SYNE2: variants seen among roughly 807,000 people sequenced by gnomAD.
The protein encoded by SYNE2 is spectrin repeat containing nuclear envelope protein 2, also known as nesprin-2.
A neutral mutation model predicts 856.3 loss-of-function variants in SYNE2; 431 were observed. That is an observed-to-expected ratio of 0.50 (90% CI 0.47 to 0.55). The LOEUF is 0.55. Among genes scored for constraint, SYNE2 ranks in the 20% least tolerant of loss-of-function variants. The pLI, the probability that SYNE2 is intolerant of heterozygous loss-of-function variation, is 0.00. For synonymous variants in SYNE2, 2,923 were observed against 2,872.3 expected, an observed-to-expected ratio of 1.02 and a Z score of -0.56; for missense variants, 8,129 against 8,023.2, an observed-to-expected ratio of 1.01 and a Z score of -0.50.
intron 45 of SYNE2, among the ~76,000 whole-genome samples, chr14:64,044,005 A>G (rs988408475): frequency 1.3e-5 from 2 of 152,214 alleles, no homozygotes; most frequent in Admixed American, 1.3e-4. Flanking sequence ...CTACAGACAC[A>G]TGCCACCACA....
At chr14:63,947,693 C>T (rs1282211894) in intron 6 of SYNE2, among the ~76,000 whole-genome samples, 1 of 152,044 alleles carries the variant, frequency 6.6e-6, no homozygotes, top group Admixed American at 6.5e-5. Context: ...AAAAATTAGC[C>T]GGGCATGGTG....
At chr14:63,871,604 ATT>A (rs35904188) in intron 1 of SYNE2, among the ~76,000 whole-genome samples, 29,358 of 147,364 alleles carry the variant, frequency 0.2, 3,247 homozygotes, top group African/African-American at 0.32. Flanking sequence ...AAGAGATGTC[ATT>A]TTTTTTTTTT....
chr14:63,764,408 G>A (rs1017970372), intron 1 of SYNE2, among the ~76,000 whole-genome samples: 2 of 152,088 alleles, frequency 1.3e-5, no homozygotes, highest in African/African-American at 4.8e-5. Context: ...AATGGCTCAC[G>A]CCTATAATCC....
chr14:64,098,026 C>T lies in SYNE2; in HGVS notation c.12186C>T (p.Ala4062=), dbSNP rs1037442946. The stretch of plus-strand genomic sequence containing the variant: ...AAGACCTGTTGGTGGACTTGAAGGC[C>T]ACCGTACTAAACCTTCACCAGCATT... ...RKEDLLVDLK[A]TVLNLHQHLK... is the part of the protein sequence containing the mutation. The change falls in exon 62 of 116, where the codon GCC becomes GCT. Residue 4062 remains alanine, a synonymous_variant. Coordinates refer to ENST00000555002, the MANE Select transcript of SYNE2 (RefSeq NM_182914.3). 2.5e-6 allele frequency: 4 copies of T among 1,614,176 alleles called. No individual in the cohort carries two copies. Among genetic ancestry groups the T allele is most frequent in the Admixed American group, 3.3e-5 (2 of 60,024 alleles).
At position 64,146,196 on chromosome 14, in the gene SYNE2, A is replaced by C. The variant is rs200252872; in HGVS notation, c.15612A>C (p.Ser5204=). ...KTLQKPESVI[S]VQKLLLDCQD... is the part of the protein sequence containing the mutation. The stretch of plus-strand genomic sequence containing the variant: ...TACAAAAACCTGAAAGTGTGATCTC[A>C]GTGCAGAAGCTGCTCCTGGACTGTC... Residue 5204 remains serine (S), a synonymous_variant, in exon 84 of 116, where the codon TCA becomes TCC. Transcript: ENST00000555002. The C allele has an allele frequency of 9.3e-6, 15 of 1,611,726 alleles. No individual in the cohort carries two copies. In the Admixed American group the frequency reaches 2.0e-4, roughly 22 times the overall value.
At chr14:64,185,782 A>G (rs949958676) in intron 96 of SYNE2, among the ~76,000 whole-genome samples, 7 of 152,132 alleles carry the variant, frequency 4.6e-5, no homozygotes, top group African/African-American at 1.7e-4. Flanking sequence ...TGGGCTTCCA[A>G]AGTGCTGGGA....
chr14:64,168,779 T>C (rs2098396092), intron 92 of SYNE2, 98 bp from the exon 93 acceptor site: 1 of 850,612 alleles, frequency 1.2e-6, no homozygotes, highest in Non-Finnish European at 1.9e-6. Flanking sequence ...TTATCCCTCA[T>C]ATCCTTTGTA....
rs1234934308 is a variant in SYNE2, at chr14:64,080,450, C to T, written c.11164-6C>T. 6.2e-7 allele frequency: 1 copy of T among 1,614,114 alleles called. No homozygotes were observed. The highest frequency in any genetic ancestry group is 1.1e-5 in the South Asian group (1 of 91,080). On this transcript the variant is annotated splice_region_variant and splice_polypyrimidine_tract_variant and intron_variant, in intron 55 of 115. Coordinates refer to ENST00000555002, the MANE Select transcript of SYNE2 (RefSeq NM_182914.3). The stretch of plus-strand genomic sequence containing the variant: ...ATTCAAGTTGACTTACGATTTCCTT[C>T]TCCAGAAAATGTGGGACGAGTTAGA...
At chr14:64,074,949 T>C (rs1290926474) in intron 53 of SYNE2, among the ~76,000 whole-genome samples, 16 of 151,992 alleles carry the variant, frequency 1.1e-4, no homozygotes, top group Admixed American at 2.6e-4. Flanking sequence ...AAAGAAGCAG[T>C]CTTCATGGGG....
At chr14:63,814,881 T>TATATATCTCTCC (rs1555341133) in intron 1 of SYNE2, among the ~76,000 whole-genome samples, 4 of 72,858 alleles carry the variant, frequency 5.5e-5, no homozygotes, top group African/African-American at 8.6e-5. Flanking sequence ...TATATATCCA[T>TATATATCTCTCC]ATATATATCC....
Position 64,202,366 on chromosome 14 carries a change from T to C in SYNE2, c.18039-435T>C. Reference sequence around the variant, plus strand: ...AAGTGAACCAGGCGTGTAACATCTTTAATCTCCCAGGGTAGATCACCGGCT... The same window carrying C: ...AAGTGAACCAGGCGTGTAACATCTTCAATCTCCCAGGGTAGATCACCGGCT... On this transcript the variant is annotated intron_variant, in intron 99 of 115. Coordinates refer to ENST00000555002, the MANE Select transcript of SYNE2 (RefSeq NM_182914.3). The C allele has an allele frequency of 3.6e-5, 25 of 696,168 alleles. No individual in the cohort carries two copies. The South Asian group carries it at 3.8e-4, about 11-fold the overall frequency. The allele number at this position is 696,168 out of a possible 1,614,324, so 43.1% of individuals were successfully genotyped here.
At chr14:64,091,752 C>T (rs370195376) in intron 60 of SYNE2, among the ~76,000 whole-genome samples, 5 of 152,312 alleles carry the variant, frequency 3.3e-5, no homozygotes, top group South Asian at 2.1e-4. Context: ...TCAATAATCA[C>T]TCCCACAAGA....
At chr14:64,197,490 C>A (rs1002389580) in intron 99 of SYNE2, among the ~76,000 whole-genome samples, 8 of 152,166 alleles carry the variant, frequency 5.3e-5, no homozygotes, top group Non-Finnish European at 1.2e-4. Context: ...TGAAAAGATA[C>A]AATTGTACAG....
rs544618675 is a variant in SYNE2 at position 64,000,720 on chromosome 14, G to C, written c.3638+1G>C. 6.2e-7 allele frequency: 1 copy of C among 1,610,350 alleles called. No individual in the cohort carries two copies. Among genetic ancestry groups the C allele is most frequent in the South Asian group, 1.1e-5 (1 of 90,568 alleles). On this transcript the variant is annotated splice_donor_variant, in intron 28 of 115. Coordinates refer to ENST00000555002, the MANE Select transcript of SYNE2 (RefSeq NM_182914.3). LOFTEE classifies it high-confidence loss of function. ...AGCTTCAGATGACTCTTAATACCAG[G>C]TAAAATTCTGAGATCTATTAACTAT...
At chr14:64,098,186 C>T (rs1348992983) in intron 62 of SYNE2, 40 bp downstream of exon 62, 2 of 1,603,198 alleles carry the variant, frequency 1.2e-6, no homozygotes, top group East Asian at 2.2e-5. Flanking sequence ...CCACACTCCA[C>T]AAGAGCATTA....
chr14:64,032,070 T>C (rs2097042189), intron 45 of SYNE2, among the ~76,000 whole-genome samples: 1 of 152,168 alleles, frequency 6.6e-6, no homozygotes, highest in Non-Finnish European at 1.5e-5. Context: ...CATTCAGGTA[T>C]GAGTTCCCAT....
At chr14:64,009,402 G>A (rs2096825706) in intron 31 of SYNE2, among the ~76,000 whole-genome samples, 1 of 151,984 alleles carries the variant, frequency 6.6e-6, no homozygotes, top group Admixed American at 6.6e-5. Context: ...CAGGCATGGT[G>A]GCACTTGCCT....
rs763887694 is a variant in SYNE2 at position 64,062,766 on chromosome 14, C to T, written c.10083C>T (p.Tyr3361=). ...ETEAERYLEN[Y]KCYRKMEEDI... ...GACTCACTAGGTATCTTGAGAATTA[C>T]AAATGCTATAGAAAAATGGAAGAGG... The change falls in exon 50 of 116, where the codon TAC becomes TAT. Residue 3361 remains tyrosine (Y), a synonymous_variant. Coordinates refer to ENST00000555002, the MANE Select transcript of SYNE2 (RefSeq NM_182914.3). 4 of 1,613,632 alleles carry T rather than the reference C, an allele frequency of 2.5e-6. No homozygotes were observed. In the East Asian group the frequency reaches 8.9e-5, roughly 36 times the overall value.
At chr14:64,037,887 G>C (rs932770004) in intron 45 of SYNE2, among the ~76,000 whole-genome samples, 1 of 150,762 alleles carries the variant, frequency 6.6e-6, no homozygotes, top group African/African-American at 2.4e-5. Flanking sequence ...TGGCCGGGCG[G>C]GGGGCTGACC....
Sources: allele counts gnomAD v4.1 joint callset (sites outside exome capture counted in the v4.1 genomes callset), GRCh38; gene constraint gnomAD v4.1.1; transcripts MANE v1.5; gene names NCBI Gene and HGNC (gene_info 2026-07-23, HGNC 2026-07-21).